The following SETBP1 variants were observed in gnomAD, a reference collection of about 807,000 sequenced individuals.
SETBP1 encodes SET binding protein 1.
Under a neutral mutation model 101.0 loss-of-function variants are expected in SETBP1, and 9 were observed. The observed-to-expected ratio is 0.09, with a 90% CI of 0.05 to 0.16. SETBP1 has a LOEUF of 0.16. Ranked by LOEUF, SETBP1 falls within the 10% of genes least tolerant of loss-of-function variation. The pLI is 1.00. For synonymous variants in SETBP1, 818 were observed against 788.5 expected (o/e 1.04, Z -0.63); for missense variants, 1,858 against 2,033.8 (o/e 0.91, Z 1.66).
intron 2 of SETBP1, among the ~76,000 whole-genome samples, chr18:44,830,100 GA>G (rs1003210239): frequency 1.8e-4 from 27 of 152,082 alleles, no homozygotes; most frequent in African/African-American, 6.5e-4. Context: ...TAAGTTTGGG[GA>G]AAAAAACTAA....
chr18:44,842,171 G>A (rs1241343103), intron 2 of SETBP1, among the ~76,000 whole-genome samples: 1 of 152,172 alleles, frequency 6.6e-6, no homozygotes, highest in African/African-American at 2.4e-5. Flanking sequence ...AAGACAGAGG[G>A]AGAAATGAGG....
intron 3 of SETBP1, among the ~76,000 whole-genome samples, chr18:44,913,630 C>A (rs1220926392): frequency 3.3e-5 from 5 of 152,218 alleles, no homozygotes; most frequent in African/African-American, 1.2e-4. Flanking sequence ...GGTTTCCCTG[C>A]ACTCTAATGA....
intron 4 of SETBP1, among the ~76,000 whole-genome samples, chr18:45,015,194 G>A (rs913741792): frequency 2.0e-5 from 3 of 152,230 alleles, no homozygotes; most frequent in African/African-American, 7.2e-5. Context: ...ATGAGATGGA[G>A]TAGGTATCAA....
intron 2 of SETBP1, among the ~76,000 whole-genome samples, chr18:44,752,643 G>C (rs1338707736): frequency 6.6e-6 from 1 of 152,164 alleles, no homozygotes; most frequent in Non-Finnish European, 1.5e-5. Flanking sequence ...GTGGTATGAT[G>C]AGAACTCTTG....
At chr18:44,829,175 T>C (rs1440475243) in intron 2 of SETBP1, among the ~76,000 whole-genome samples, 1 of 152,212 alleles carries the variant, frequency 6.6e-6, no homozygotes, top group Non-Finnish European at 1.5e-5. Flanking sequence ...CAAGCCCTGT[T>C]TGGGTCCATG....
chr18:45,025,945 T>C (rs916326174), intron 4 of SETBP1, among the ~76,000 whole-genome samples: 1 of 152,200 alleles, frequency 6.6e-6, no homozygotes, highest in South Asian at 2.1e-4. Flanking sequence ...ATGCACTAAG[T>C]TCCTGATATC....
intron 4 of SETBP1, among the ~76,000 whole-genome samples, chr18:44,953,654 G>C (rs1005393045): frequency 2.0e-5 from 3 of 152,186 alleles, no homozygotes; most frequent in African/African-American, 7.2e-5. Flanking sequence ...GTCCTCATCT[G>C]ATCTAATGGT....
chr18:44,703,073 A>G (rs939227368), intron 2 of SETBP1, among the ~76,000 whole-genome samples: 1 of 152,106 alleles, frequency 6.6e-6, no homozygotes, highest in Non-Finnish European at 1.5e-5. Flanking sequence ...TGTGTGTGGC[A>G]CTCAGCTGTG....
In SETBP1 at chr18:44,952,786, A is replaced by C. The variant is rs561819039; in HGVS notation, c.3446A>C (p.Lys1149Thr). The change falls in exon 4 of 6, where the codon AAG becomes ACG. Residue 1149 changes from lysine (K) to threonine (T), a missense_variant. By Grantham distance (78) the Lys-to-Thr change is moderately conservative (BLOSUM62 -1). Around this residue, in one of 12 missense-constraint regions of SETBP1, gnomAD observed 417 missense variants for 389.1 expected, o/e 1.07. Coordinates refer to ENST00000649279, the MANE Select transcript of SETBP1 (RefSeq NM_015559.3). ...SASLSSGRLH[K>T]RKHKHKHKHK... ...AGTCTGTCCAGTGGTCGGCTCCATA[A>C]GAGGAAACACAAACACAAGCATAAG... 1 of 1,614,106 alleles carries C rather than the reference A, an allele frequency of 6.2e-7. No homozygotes were observed. Among genetic ancestry groups the C allele is most frequent in the African/African-American group, 1.3e-5 (1 of 75,014 alleles).
intron 2 of SETBP1, among the ~76,000 whole-genome samples, chr18:44,797,529 G>A (rs1366909219): frequency 6.6e-6 from 1 of 152,212 alleles, no homozygotes; most frequent in Non-Finnish European, 1.5e-5. Flanking sequence ...TACCCCTGGT[G>A]TAGCCTGGTG....
chr18:45,061,397 A>C (rs2073888446), intron 5 of SETBP1, among the ~76,000 whole-genome samples: 1 of 152,192 alleles, frequency 6.6e-6, no homozygotes, highest in Admixed American at 6.5e-5. Flanking sequence ...CAACCAGGCA[A>C]CCTTTTTCTT....
intron 5 of SETBP1, among the ~76,000 whole-genome samples, chr18:45,061,211 A>T (rs1170640243): frequency 6.6e-6 from 1 of 152,164 alleles, no homozygotes; most frequent in Non-Finnish European, 1.5e-5. Flanking sequence ...ATTTGCAATG[A>T]TCACTTTAAA....
intron 2 of SETBP1, among the ~76,000 whole-genome samples, chr18:44,841,871 A>G (rs1331867834): frequency 2.0e-5 from 3 of 152,198 alleles, no homozygotes; most frequent in Non-Finnish European, 4.4e-5. Context: ...CCTGTGTGAT[A>G]TACCATAACT....
intron 4 of SETBP1, among the ~76,000 whole-genome samples, chr18:44,961,744 C>G (rs2071616397): frequency 6.6e-6 from 1 of 152,202 alleles, no homozygotes; most frequent in Non-Finnish European, 1.5e-5. Context: ...CTCCCCCTTC[C>G]CTGCCTCACA....
chr18:44,827,419 T>C (rs759970247), intron 2 of SETBP1, among the ~76,000 whole-genome samples: 2 of 152,218 alleles, frequency 1.3e-5, no homozygotes, highest in East Asian at 1.9e-4. Flanking sequence ...TTATATTGAT[T>C]GTTGTTCTTA....
chr18:44,792,283 A>G (rs989406445), intron 2 of SETBP1, among the ~76,000 whole-genome samples: 4 of 152,258 alleles, frequency 2.6e-5, no homozygotes, highest in African/African-American at 7.2e-5. Context: ...AATATGGGGA[A>G]AGGTCTTTGT....
At chr18:45,033,842 C>T (rs1307428980) in intron 4 of SETBP1, among the ~76,000 whole-genome samples, 3 of 152,130 alleles carry the variant, frequency 2.0e-5, no homozygotes, top group Non-Finnish European at 2.9e-5. Flanking sequence ...CTAGATCATC[C>T]CACCTCTTAC....
chr18:44,949,090 A>T (rs1194773087), intron 3 of SETBP1, among the ~76,000 whole-genome samples: 2 of 152,204 alleles, frequency 1.3e-5, no homozygotes, highest in East Asian at 3.8e-4. Flanking sequence ...AAGTTTAAGG[A>T]TTTCTTTGCA....
At chr18:44,729,423 A>G (rs912602168) in intron 2 of SETBP1, among the ~76,000 whole-genome samples, 2 of 152,238 alleles carry the variant, frequency 1.3e-5, no homozygotes, top group African/African-American at 4.8e-5. Flanking sequence ...AATTGATATA[A>G]AAGGCATTAA....
Sources: gnomAD v4.1 joint callset for allele counts (sites outside exome capture counted in the v4.1 genomes callset) on GRCh38, gnomAD v4.1.1 for gene constraint, gnomAD v4.1.1 regional missense constraint, MANE v1.5 for transcripts, NCBI Gene and HGNC (gene_info 2026-07-23, HGNC 2026-07-21) for gene names.